Variants in STPG2 observed in about 807,000 individuals in gnomAD.
STPG2 encodes the protein sperm tail PG-rich repeat containing 2.
A neutral mutation model predicts 54.2 loss-of-function variants in STPG2; 56 were observed. That is an observed-to-expected ratio of 1.03 (90% CI 0.83 to 1.29). The LOEUF is 1.29. Ranked by LOEUF, STPG2 falls within the 50% of genes most tolerant of loss-of-function variation. The pLI, the probability that STPG2 is intolerant of heterozygous loss-of-function variation, is 0.00. For missense variants in STPG2, 596 were observed against 544.9 expected, an observed-to-expected ratio of 1.09 and a Z score of -0.93; for synonymous variants, 200 against 181.8, an observed-to-expected ratio of 1.10 and a Z score of -0.81.
chr4:97,800,277 G>T (rs1371015231), intron 9 of STPG2, among the ~76,000 whole-genome samples: 1 of 152,174 alleles, frequency 6.6e-6, no homozygotes, highest in East Asian at 1.9e-4. Flanking sequence ...AGAATTTTCA[G>T]TTTCTCTGCT....
At chr4:97,875,015 T>A (rs1407971561) in intron 8 of STPG2, among the ~76,000 whole-genome samples, 3 of 151,960 alleles carry the variant, frequency 2.0e-5, no homozygotes, top group Admixed American at 1.3e-4. Flanking sequence ...AGACATTATA[T>A]TTCATTTATT....
At chr4:97,663,173 G>C (rs1156432486) in intron 10 of STPG2, among the ~76,000 whole-genome samples, 1 of 152,000 alleles carries the variant, frequency 6.6e-6, no homozygotes, top group Non-Finnish European at 1.5e-5. Flanking sequence ...TGAAAAAGTT[G>C]GTGAAGTCCC....
At chr4:98,086,226 G>A (rs1738498901) in intron 5 of STPG2, among the ~76,000 whole-genome samples, 1 of 151,964 alleles carries the variant, frequency 6.6e-6, no homozygotes. Context: ...ATTCTCACAA[G>A]CTATAAGATA....
intron 7 of STPG2, among the ~76,000 whole-genome samples, chr4:97,962,899 G>A (rs1482847218): frequency 2.6e-5 from 4 of 151,902 alleles, no homozygotes; most frequent in South Asian, 2.1e-4. Flanking sequence ...GGTGGCTCAC[G>A]CCTATAATCC....
intron 10 of STPG2, among the ~76,000 whole-genome samples, chr4:97,627,522 T>C (rs1402952043): frequency 1.3e-5 from 2 of 152,100 alleles, no homozygotes; most frequent in Non-Finnish European, 2.9e-5. Flanking sequence ...GAGTTTTGCA[T>C]TTCTGAAGCT....
chr4:97,538,086 G>C (rs749564316), intron 4 of STPG2, among the ~76,000 whole-genome samples: 2 of 152,120 alleles, frequency 1.3e-5, no homozygotes, highest in Non-Finnish European at 2.9e-5. Context: ...AAACCACAAA[G>C]ATGGGGAAAA....
intron 5 of STPG2, among the ~76,000 whole-genome samples, chr4:98,094,425 TC>T (rs1230974488): frequency 2.6e-5 from 4 of 152,034 alleles, no homozygotes. Flanking sequence ...CCCAGCACAT[TC>T]CCAGCTGTGG....
At chr4:97,799,358 G>A (rs941155784) in intron 9 of STPG2, among the ~76,000 whole-genome samples, 4 of 152,202 alleles carry the variant, frequency 2.6e-5, no homozygotes, top group Non-Finnish European at 4.4e-5. Context: ...TCCTTCAGGA[G>A]CTCTTGTAGG....
chr4:97,912,129 GA>G (rs570495188), intron 8 of STPG2, among the ~76,000 whole-genome samples: 2 of 145,740 alleles, frequency 1.4e-5, no homozygotes, highest in South Asian at 2.2e-4. Flanking sequence ...AAAACAGAAA[GA>G]AAAAAAAACA....
intron 5 of STPG2, among the ~76,000 whole-genome samples, chr4:98,102,071 T>C (rs924974924): frequency 3.3e-5 from 5 of 152,206 alleles, no homozygotes; most frequent in Non-Finnish European, 7.3e-5. Context: ...ATCTTTTTCT[T>C]CCACCTGCAA....
chr4:97,965,945 C>T (rs547092430), intron 7 of STPG2, among the ~76,000 whole-genome samples: 2 of 152,238 alleles, frequency 1.3e-5, no homozygotes, highest in South Asian at 4.1e-4. Flanking sequence ...TTCTAAAAAC[C>T]AGAGTGCCTC....
At position 97,694,060 on chromosome 4, in the gene STPG2, T is replaced by G. The variant is rs138239201; in HGVS notation, c.1320+18639A>C. On this transcript the variant is annotated intron_variant, in intron 10 of 10. Coordinates refer to ENST00000295268, the MANE Select transcript of STPG2 (RefSeq NM_174952.3). ...AGCATCAAACACCTACATCAAAAAG[T>G]CTTAAAGAGCACAAATAGACAATCT... 8.5e-3 allele frequency among the ~76,000 whole-genome samples: 1,289 copies of G among 151,990 alleles called. 8 individuals carry two copies. Among genetic ancestry groups the G allele is most frequent in the Non-Finnish European group, 0.013 (900 of 67,948 alleles).
At chr4:97,589,655 T>G (rs1733087768) in intron 10 of STPG2, among the ~76,000 whole-genome samples, 1 of 152,140 alleles carries the variant, frequency 6.6e-6, no homozygotes, top group Non-Finnish European at 1.5e-5. Flanking sequence ...GTAGTGCAAA[T>G]GCACCATAGG....
intron 5 of STPG2, 134 bp from the exon 6 acceptor site, chr4:97,981,452 T>C: frequency 1.1e-6 from 1 of 881,922 alleles, no homozygotes; most frequent in Non-Finnish European, 1.7e-6. Flanking sequence ...AAAATGTAGA[T>C]GAACTAAGAT....
chr4:97,718,704 C>T (rs891599882), intron 9 of STPG2, among the ~76,000 whole-genome samples: 4 of 151,862 alleles, frequency 2.6e-5, no homozygotes, highest in Non-Finnish European at 5.9e-5. Context: ...TTTTAGTGAA[C>T]CAAAATCTAT....
chr4:97,755,829 T>C (rs1275776202), intron 9 of STPG2, among the ~76,000 whole-genome samples: 1 of 152,188 alleles, frequency 6.6e-6, no homozygotes, highest in East Asian at 1.9e-4. Flanking sequence ...TATTCCATGT[T>C]CTTTGGTTTT....
intron 5 of STPG2, among the ~76,000 whole-genome samples, chr4:98,101,316 A>G (rs1185782953): frequency 6.6e-6 from 1 of 152,146 alleles, no homozygotes; most frequent in Non-Finnish European, 1.5e-5. Context: ...TGGGAGAGAC[A>G]TTTTTCCCAT....
chr4:97,665,414 A>C (rs1722494453), intron 10 of STPG2, among the ~76,000 whole-genome samples: 1 of 152,174 alleles, frequency 6.6e-6, no homozygotes, highest in Non-Finnish European at 1.5e-5. Flanking sequence ...AGGATGTCCC[A>C]ACAAGTGTTC....
At chr4:98,035,924 C>T (rs1271601068) in intron 5 of STPG2, among the ~76,000 whole-genome samples, 1 of 151,354 alleles carries the variant, frequency 6.6e-6, no homozygotes, top group Non-Finnish European at 1.5e-5. Flanking sequence ...GGGAGGGGAA[C>T]ATCACACACC....
Sources: allele counts gnomAD v4.1 joint callset (sites outside exome capture counted in the v4.1 genomes callset), GRCh38; gene constraint gnomAD v4.1.1; transcripts MANE v1.5; gene names NCBI Gene and HGNC (gene_info 2026-07-23, HGNC 2026-07-21).